The following AGBL4 variants were observed in gnomAD, a reference collection of about 807,000 sequenced individuals.
AGBL4 encodes cytosolic carboxypeptidase 6.
In AGBL4, 58 loss-of-function variants were observed where a neutral mutation model predicts 66.4. The ratio of observed to expected loss-of-function variants is 0.87; its 90% CI spans 0.71 to 1.09. AGBL4 has a LOEUF of 1.09. AGBL4 is among the 50% of genes least tolerant of loss of function. AGBL4 has a pLI of 0.00. For missense variants in AGBL4, 579 were observed against 631.0 expected (o/e 0.92, Z 0.88); for synonymous variants, 234 against 222.9 (o/e 1.05, Z -0.44).
chr1:48,980,067 C>A (rs557698959), intron 5 of AGBL4, among the ~76,000 whole-genome samples: 6 of 152,116 alleles, frequency 3.9e-5, no homozygotes, highest in Admixed American at 3.9e-4. Context: ...TATTTTTTCC[C>A]TCCTTTCAGC....
chr1:49,430,096 ACCTGCCTCGG>A (rs1020478209), intron 3 of AGBL4, among the ~76,000 whole-genome samples: 1 of 151,768 alleles, frequency 6.6e-6, no homozygotes, highest in African/African-American at 2.4e-5. Context: ...CAAGCAATCC[ACCTGCCTCGG>A]CCTCCAAAAG....
At chr1:49,748,465 A>T (rs1246535835) in intron 2 of AGBL4, among the ~76,000 whole-genome samples, 1 of 152,222 alleles carries the variant, frequency 6.6e-6, no homozygotes, top group African/African-American at 2.4e-5. Context: ...CCACTACAAT[A>T]AACATGCATG....
At chr1:48,877,612 A>G (rs771780960) in intron 5 of AGBL4, among the ~76,000 whole-genome samples, 9 of 152,180 alleles carry the variant, frequency 5.9e-5, no homozygotes, top group Non-Finnish European at 8.8e-5. Context: ...TGGAGAAAAA[A>G]ATAAGGATAG....
Position 49,964,741 on chromosome 1 carries a change from G to T in AGBL4, c.34+59022C>A, listed in dbSNP as rs1213304866. Among the ~76,000 whole-genome samples the T allele has an allele frequency of 2.0e-5, 3 of 152,044 alleles. No homozygotes were observed. The East Asian group carries it at 5.8e-4, about 29-fold the overall frequency. ...TCTCCATTTCTTTAATATAGAACCT[G>T]ATTTCAAAATTGATTAAAGTCCAGG... On this transcript the variant is annotated intron_variant, in intron 1 of 13. Coordinates refer to ENST00000371839, the MANE Select transcript of AGBL4 (RefSeq NM_032785.4).
At chr1:48,576,587 T>C (rs1644657165) in intron 11 of AGBL4, among the ~76,000 whole-genome samples, 1 of 152,174 alleles carries the variant, frequency 6.6e-6, no homozygotes, top group African/African-American at 2.4e-5. Context: ...TTTGGGAAAC[T>C]CCTCACTCAG....
At chr1:49,542,591 GTTAC>G (rs1381494635) in intron 3 of AGBL4, among the ~76,000 whole-genome samples, 7 of 152,042 alleles carry the variant, frequency 4.6e-5, no homozygotes, top group African/African-American at 9.7e-5. Flanking sequence ...TAAAGCTAAT[GTTAC>G]TTACTTAAGA....
intron 3 of AGBL4, among the ~76,000 whole-genome samples, chr1:49,468,136 A>G (rs1332624544): frequency 6.6e-6 from 1 of 151,928 alleles, no homozygotes; most frequent in Admixed American, 6.6e-5. Context: ...ACTTATACAC[A>G]GATTGTTTTC....
intron 4 of AGBL4, among the ~76,000 whole-genome samples, chr1:49,060,464 G>A (rs1334439501): frequency 2.0e-5 from 3 of 152,146 alleles, no homozygotes; most frequent in Non-Finnish European, 2.9e-5. Flanking sequence ...ACAGCCTCAT[G>A]AGATAAGAGA....
intron 2 of AGBL4, among the ~76,000 whole-genome samples, chr1:49,807,419 CTCCTT>C (rs1364717535): frequency 6.6e-6 from 1 of 152,216 alleles, no homozygotes; most frequent in Non-Finnish European, 1.5e-5. Flanking sequence ...CTGCCCCTTT[CTCCTT>C]TCCTATTTCT....
chr1:49,673,819 A>T (rs941576322), intron 3 of AGBL4, among the ~76,000 whole-genome samples: 19 of 152,058 alleles, frequency 1.2e-4, no homozygotes, highest in Admixed American at 1.2e-3. Context: ...AATAATCACA[A>T]TCTAGTGTGC....
At chr1:48,710,929 C>CAAAAAAAAAAAAAAAAA (rs1557895437) in intron 6 of AGBL4, among the ~76,000 whole-genome samples, 1 of 152,168 alleles carries the variant, frequency 6.6e-6, no homozygotes, top group African/African-American at 2.4e-5. Flanking sequence ...AGATCCAGCT[C>CAAAAAAAAAAAAAAAAA]AGACATTACC....
At chr1:49,914,566 T>C (rs1276018176) in intron 1 of AGBL4, among the ~76,000 whole-genome samples, 1 of 152,212 alleles carries the variant, frequency 6.6e-6, no homozygotes, top group Non-Finnish European at 1.5e-5. Flanking sequence ...TCACCCTTAC[T>C]GCTTCTTTTA....
At chr1:48,628,574 C>G (rs1645542238) in intron 9 of AGBL4, among the ~76,000 whole-genome samples, 1 of 152,068 alleles carries the variant, frequency 6.6e-6, no homozygotes, top group Middle Eastern at 3.2e-3. Flanking sequence ...GTGTTCAAAC[C>G]CATCCATGGG....
chr1:48,662,676 G>C lies in AGBL4; in HGVS notation c.724+476C>G, dbSNP rs74076213. Among the ~76,000 whole-genome samples, 1,496 of 152,270 alleles carry C rather than the reference G, an allele frequency of 9.8e-3. 28 individuals carry two copies. Among genetic ancestry groups the C allele is most frequent in the African/African-American group, 0.034 (1,412 of 41,550 alleles). ...CCTCTGGTTGTCTGATGCCAAGTGT[G>C]CTTACTCTTGGCAGGTATTTCAAAA... On this transcript the variant is annotated intron_variant, in intron 7 of 13. Transcript: ENST00000371839.
At chr1:49,854,984 A>G (rs575237068) in intron 1 of AGBL4, among the ~76,000 whole-genome samples, 72 of 152,294 alleles carry the variant, frequency 4.7e-4, no homozygotes, top group Non-Finnish European at 5.9e-4. Context: ...CATTTCCCCA[A>G]CTGGCACTCA....
chr1:48,841,206 A>G (rs1570799247), intron 6 of AGBL4, among the ~76,000 whole-genome samples: 2 of 152,260 alleles, frequency 1.3e-5, no homozygotes, highest in South Asian at 2.1e-4. Flanking sequence ...ACTCAAATAT[A>G]TACCTGTGTT....
rs193027789 is a variant in AGBL4, at chr1:49,886,064, A to G, written c.35-34546T>C. ...AGGGGAGTTTGCATACAATTTTCCAACCTTTTACAGTAAGTGATTTCCCTC... is the reference window on the plus strand; with the variant it reads ...AGGGGAGTTTGCATACAATTTTCCAGCCTTTTACAGTAAGTGATTTCCCTC... On this transcript the variant is annotated intron_variant, in intron 1 of 13. Coordinates refer to ENST00000371839, the MANE Select transcript of AGBL4 (RefSeq NM_032785.4). Among the ~76,000 whole-genome samples the G allele has an allele frequency of 9.7e-4, 147 of 152,248 alleles. 1 individual carries two copies. The highest frequency in any genetic ancestry group is 2.7e-3 in the Admixed American group (41 of 15,282).
intron 3 of AGBL4, among the ~76,000 whole-genome samples, chr1:49,662,414 G>C (rs1312813693): frequency 2.0e-5 from 3 of 152,064 alleles, no homozygotes; most frequent in Non-Finnish European, 4.4e-5. Context: ...AAGGCGAAGG[G>C]AAACATCTTT....
chr1:49,845,283 C>T, intron 2 of AGBL4: 1 of 1,557,682 alleles, frequency 6.4e-7, no homozygotes, highest in Non-Finnish European at 8.8e-7. Flanking sequence ...ACCAAATTGC[C>T]CCACTGATCC....
Sources: gnomAD v4.1 joint callset for allele counts (sites outside exome capture counted in the v4.1 genomes callset) on GRCh38, gnomAD v4.1.1 for gene constraint, MANE v1.5 for transcripts, NCBI Gene and HGNC (gene_info 2026-07-23, HGNC 2026-07-21) for gene names.